The following TMEM132D variants were observed in gnomAD, a reference collection of about 807,000 sequenced individuals.
TMEM132D encodes transmembrane protein 132D, also known as mature OL transmembrane protein.
TMEM132D carries 21 observed loss-of-function variants against 62.3 expected under a neutral mutation model. The ratio of observed to expected loss-of-function variants is 0.34; its 90% CI spans 0.24 to 0.49. The LOEUF is 0.49. Ranked by LOEUF, TMEM132D falls within the 20% of genes least tolerant of loss-of-function variation. The probability of loss-of-function intolerance (pLI) is 0.99; values close to 1 mark genes in which losing one functional copy is unlikely to be tolerated. For missense variants in TMEM132D, 1,346 were observed against 1,402.8 expected (o/e 0.96, Z 0.65); for synonymous variants, 621 against 575.6 (o/e 1.08, Z -1.13).
chr12:129,370,641 T>C (rs948104876), intron 3 of TMEM132D, among the ~76,000 whole-genome samples: 3 of 152,240 alleles, frequency 2.0e-5, no homozygotes, highest in African/African-American at 7.2e-5. Flanking sequence ...TAAGTGTTCA[T>C]TAATGGATAA....
intron 2 of TMEM132D, among the ~76,000 whole-genome samples, chr12:129,613,899 GA>G (rs1878846211): frequency 6.6e-6 from 1 of 151,490 alleles, no homozygotes; most frequent in Admixed American, 6.6e-5. Context: ...CAGAACCCAG[GA>G]GACTGGCTCC....
intron 3 of TMEM132D, among the ~76,000 whole-genome samples, chr12:129,467,431 TG>T (rs750828690): frequency 3.9e-5 from 6 of 152,166 alleles, no homozygotes; most frequent in Non-Finnish European, 5.9e-5. Context: ...GCCAATGTCC[TG>T]GGATGGAATT....
intron 5 of TMEM132D, among the ~76,000 whole-genome samples, chr12:129,172,146 C>T (rs980175197): frequency 6.6e-6 from 1 of 152,230 alleles, no homozygotes; most frequent in African/African-American, 2.4e-5. Context: ...TCACCTTGCA[C>T]TTTTATATTG....
At position 129,831,152 on chromosome 12, in the gene TMEM132D, T is replaced by C. The variant is rs1376133792; in HGVS notation, c.79+72109A>G. On this transcript the variant is annotated intron_variant, in intron 1 of 8. Transcript: ENST00000422113. ...ACCCCCTGGGTCACATACCCTCCTC[T>C]GGAGCCAGGAACTGGGACCCAGCCC... is the stretch of plus-strand genomic sequence containing the variant. Among the ~76,000 whole-genome samples, 5 of 152,146 alleles carry C rather than the reference T, an allele frequency of 3.3e-5. No individual in the cohort carries two copies. The East Asian group carries it at 9.7e-4, about 29-fold the overall frequency.
intron 3 of TMEM132D, among the ~76,000 whole-genome samples, chr12:129,368,093 T>C (rs1003131438): frequency 1.8e-4 from 27 of 152,228 alleles, no homozygotes; most frequent in African/African-American, 6.5e-4. Flanking sequence ...GAGCCTGGTC[T>C]CTTTTTCCAT....
At chr12:129,539,466 G>A (rs1358753908) in intron 2 of TMEM132D, among the ~76,000 whole-genome samples, 7 of 148,906 alleles carry the variant, frequency 4.7e-5, no homozygotes, top group Non-Finnish European at 4.4e-5. Context: ...GTGCAATGGC[G>A]CGATCTCAGC....
At chr12:129,880,344 T>C (rs777242605) in intron 1 of TMEM132D, among the ~76,000 whole-genome samples, 1 of 152,222 alleles carries the variant, frequency 6.6e-6, no homozygotes, top group Non-Finnish European at 1.5e-5. Context: ...ATCAGACTTC[T>C]GATATAAGAT....
At chr12:129,214,935 T>G (rs1879161312) in intron 4 of TMEM132D, among the ~76,000 whole-genome samples, 1 of 152,168 alleles carries the variant, frequency 6.6e-6, no homozygotes, top group Non-Finnish European at 1.5e-5. Context: ...AGAAATACAT[T>G]TGACCCAGCA....
chr12:129,564,041 G>T (rs554699616), intron 2 of TMEM132D, among the ~76,000 whole-genome samples: 9 of 152,070 alleles, frequency 5.9e-5, no homozygotes, highest in Non-Finnish European at 1.3e-4. Flanking sequence ...AAATATTTCA[G>T]GTATAACTAA....
intron 2 of TMEM132D, among the ~76,000 whole-genome samples, chr12:129,671,366 A>G (rs1451311247): frequency 6.6e-6 from 1 of 152,228 alleles, no homozygotes; most frequent in Non-Finnish European, 1.5e-5. Flanking sequence ...ATGAGTTTCC[A>G]TGAAAAATAT....
intron 4 of TMEM132D, among the ~76,000 whole-genome samples, chr12:129,247,656 T>C (rs552415311): frequency 6.6e-6 from 1 of 152,368 alleles, no homozygotes; most frequent in Non-Finnish European, 1.5e-5. Flanking sequence ...TTCTTCAGAA[T>C]GGAGAGAACA....
chr12:129,752,969 G>A (rs1441580667), intron 1 of TMEM132D, among the ~76,000 whole-genome samples: 3 of 152,228 alleles, frequency 2.0e-5, no homozygotes, highest in Admixed American at 6.5e-5. Flanking sequence ...TAGAAGAAAA[G>A]GGAGTGGATG....
At chr12:129,723,978 G>A (rs1335780336) in intron 1 of TMEM132D, among the ~76,000 whole-genome samples, 1 of 152,138 alleles carries the variant, frequency 6.6e-6, no homozygotes, top group Admixed American at 6.5e-5. Flanking sequence ...ATGGAACTTT[G>A]CAGATGTGAT....
intron 1 of TMEM132D, among the ~76,000 whole-genome samples, chr12:129,828,486 C>G (rs902224662): frequency 6.6e-6 from 1 of 151,496 alleles, no homozygotes; most frequent in African/African-American, 2.4e-5. Flanking sequence ...CAGCAGTCTT[C>G]CTTCCCCTCC....
intron 2 of TMEM132D, among the ~76,000 whole-genome samples, chr12:129,555,419 G>T (rs1877027290): frequency 6.6e-6 from 1 of 152,188 alleles, no homozygotes; most frequent in African/African-American, 2.4e-5. Flanking sequence ...CTTGAGCAGA[G>T]TTGGATTACC....
At chr12:129,401,677 G>C (rs60349995) in intron 3 of TMEM132D, among the ~76,000 whole-genome samples, 33,508 of 152,142 alleles carry the variant, frequency 0.22, 3,843 homozygotes, top group South Asian at 0.37. Flanking sequence ...TTGCAAATAA[G>C]GAAGTGAAAG....
chr12:129,150,493 T>A (rs912931855), intron 5 of TMEM132D, among the ~76,000 whole-genome samples: 1 of 152,248 alleles, frequency 6.6e-6, no homozygotes, highest in Non-Finnish European at 1.5e-5. Context: ...TTATTTCATG[T>A]AGTCTTCAGA....
At chr12:129,727,660 T>A (rs1204071779) in intron 1 of TMEM132D, among the ~76,000 whole-genome samples, 2 of 152,204 alleles carry the variant, frequency 1.3e-5, no homozygotes, top group Non-Finnish European at 2.9e-5. Flanking sequence ...AGCTTCCTGA[T>A]GACTTTCATT....
chr12:129,094,630 C>A (rs577928948), intron 5 of TMEM132D, among the ~76,000 whole-genome samples: 8 of 152,254 alleles, frequency 5.3e-5, no homozygotes, highest in African/African-American at 1.9e-4. Context: ...GTGGTGATTC[C>A]TCAGGGATCT....
Sources: gnomAD v4.1 joint callset for allele counts (sites outside exome capture counted in the v4.1 genomes callset) on GRCh38, gnomAD v4.1.1 for gene constraint, MANE v1.5 for transcripts, NCBI Gene and HGNC (gene_info 2026-07-23, HGNC 2026-07-21) for gene names.